IPO5: variants seen among roughly 807,000 people sequenced by gnomAD.
The protein encoded by IPO5 is importin 5.
A neutral mutation model predicts 143.3 loss-of-function variants in IPO5; 18 were observed. The observed-to-expected ratio is 0.13, with a 90% confidence interval of 0.09 to 0.19. The LOEUF is 0.19. IPO5 is among the 10% of genes least tolerant of loss of function. The pLI, the probability that IPO5 is intolerant of heterozygous loss-of-function variation, is 1.00. For missense variants in IPO5, 1,013 were observed against 1,336.9 expected (o/e 0.76, Z 3.78); for synonymous variants, 477 against 465.7 (o/e 1.02, Z -0.31).
Position 98,006,363 on chromosome 13 carries a change from T to A in IPO5, c.1716+15T>A, listed in dbSNP as rs1889248804. 1 of 301,164 alleles carries A rather than the reference T, an allele frequency of 3.3e-6. No homozygotes were observed. The highest frequency in any genetic ancestry group is 1.1e-4 in the Admixed American group (1 of 8,934). 18.7% of individuals were successfully genotyped at this position (301,164 alleles called of 1,614,324 possible). A position where few individuals can be genotyped will look rare whatever the true frequency, so the allele number is the denominator to read the frequency against. On this transcript the variant is annotated intron_variant, in intron 17 of 28. Coordinates refer to ENST00000651721, the MANE Select transcript of IPO5 (RefSeq NM_002271.6). ...GGAAGGAAAAAGTAAGTAATTTTTT[T>A]TTTTTTTTTTTTTTTTTTTTTTTTT...
chr13:98,000,486 A>G lies in IPO5; in HGVS notation c.1002-53A>G, dbSNP rs1388889403. 4.8e-5 allele frequency: 53 copies of G among 1,112,666 alleles called. 1 individual carries two copies. Among genetic ancestry groups the G allele is most frequent in the South Asian group, 3.5e-4 (28 of 80,810 alleles). 68.9% of individuals were successfully genotyped at this position (1,112,666 alleles called of 1,614,324 possible). ...TAGAAGTATGTCTGTAGAGTATACT[A>G]TTTCTTTTGTGTTTCAGATATATTG... On this transcript the variant is annotated intron_variant, in intron 12 of 28. Coordinates refer to ENST00000651721, the MANE Select transcript of IPO5 (RefSeq NM_002271.6).
intron 20 of IPO5, among the ~76,000 whole-genome samples, chr13:98,010,708 C>T (rs1380351211): frequency 6.7e-6 from 1 of 149,974 alleles, no homozygotes; most frequent in Non-Finnish European, 1.5e-5. Flanking sequence ...TTGTGGTGTG[C>T]ATATGCATGT....
intron 6 of IPO5, among the ~76,000 whole-genome samples, chr13:97,987,706 T>C (rs922320348): frequency 2.6e-5 from 4 of 152,274 alleles, no homozygotes; most frequent in Admixed American, 6.5e-5. Context: ...TTTCACCCTG[T>C]TTGCCAGCCT....
In IPO5 at chr13:97,990,214, C is replaced by A; in HGVS notation, c.556C>A (p.His186Asn). 6.3e-7 allele frequency: 1 copy of A among 1,596,044 alleles called. No individual in the cohort carries two copies. Among genetic ancestry groups the A allele is most frequent in the Non-Finnish European group, 8.6e-7 (1 of 1,164,222 alleles). ...MLVQCMQDQEHPSIRTLSARA... is the reference protein window; with the variant it reads ...MLVQCMQDQENPSIRTLSARA... Reference sequence around the variant, plus strand: ...AGTTCAGTGTATGCAAGATCAGGAACACCCGTCGGTAAATAATTTCAATCC... The same window carrying A: ...AGTTCAGTGTATGCAAGATCAGGAAAACCCGTCGGTAAATAATTTCAATCC... Residue 186 changes from histidine to asparagine, a missense_variant, in exon 8 of 29, where the codon CAC (histidine) becomes AAC (asparagine). Physicochemically the swap from His to Asn is moderately conservative, Grantham distance 68 (BLOSUM62 1). Around this residue, in one of 2 missense-constraint regions of IPO5, gnomAD observed 328 missense variants for 342.0 expected, o/e 0.96. Coordinates refer to ENST00000651721, the MANE Select transcript of IPO5 (RefSeq NM_002271.6).
At chr13:98,006,617 G>T (rs900720562) in intron 17 of IPO5, among the ~76,000 whole-genome samples, 1 of 151,422 alleles carries the variant, frequency 6.6e-6, no homozygotes, top group South Asian at 2.1e-4. Flanking sequence ...CTCGTGATCC[G>T]CCCGCCTCGG....
chr13:98,016,832 C>A lies in IPO5; in HGVS notation c.2597C>A (p.Pro866Gln). The A allele has an allele frequency of 6.4e-7, 1 of 1,565,548 alleles. No individual in the cohort carries two copies. The highest frequency in any genetic ancestry group is 2.0e-5 in the Admixed American group (1 of 49,058). The change falls in exon 25 of 29, where the codon CCA becomes CAA. Residue 866 changes from proline (P) to glutamine (Q), a missense_variant. Around this residue, in one of 2 missense-constraint regions of IPO5, gnomAD observed 685 missense variants for 994.9 expected, o/e 0.69. Transcript: ENST00000651721. ...TTACCATGGTTTGAACAGCTGCTTC[C>A]ATTAATTGTCAACCTCATTGTAAGT... ...KVLPWFEQLLPLIVNLICPHR... is the reference protein window; with the variant it reads ...KVLPWFEQLLQLIVNLICPHR...
At chr13:97,975,874 C>A in intron 3 of IPO5, 2 of 981,700 alleles carry the variant, frequency 2.0e-6, no homozygotes, top group Non-Finnish European at 2.4e-6. Flanking sequence ...GGCTGAGTAA[C>A]CCCTCTTCCG....
At chr13:97,996,194 C>T (rs986829335) in intron 11 of IPO5, among the ~76,000 whole-genome samples, 1 of 152,034 alleles carries the variant, frequency 6.6e-6, no homozygotes, top group Non-Finnish European at 1.5e-5. Flanking sequence ...GGACTACAGG[C>T]ACGCACTACC....
At chr13:98,003,512 T>G (rs1229608103) in intron 16 of IPO5, among the ~76,000 whole-genome samples, 1 of 152,098 alleles carries the variant, frequency 6.6e-6, no homozygotes, top group Non-Finnish European at 1.5e-5. Flanking sequence ...TAAAAGACAT[T>G]TCATGGGAAG....
chr13:97,989,113 C>T lies in IPO5; in HGVS notation c.416C>T (p.Ser139Leu), dbSNP rs140987368. ...WPEGLKFLFDSVSSQNVGLRE... is the reference protein window; with the variant it reads ...WPEGLKFLFDLVSSQNVGLRE... Reference sequence around the variant, plus strand: ...GAAGGTTTGAAGTTCCTTTTTGATTCAGTCAGCTCTCAAAATGTGGGACTG... The same window carrying T: ...GAAGGTTTGAAGTTCCTTTTTGATTTAGTCAGCTCTCAAAATGTGGGACTG... Residue 139 changes from serine to leucine, a missense_variant, in exon 7 of 29, where the codon TCA (serine) becomes TTA (leucine). Ser to Leu is a moderately radical substitution (Grantham distance 145, BLOSUM62 -2). Transcript: ENST00000651721. 6.2e-7 allele frequency: 1 copy of T among 1,613,554 alleles called. No individual in the cohort carries two copies. Among genetic ancestry groups the T allele is most frequent in the Non-Finnish European group, 8.5e-7 (1 of 1,179,546 alleles).
intron 20 of IPO5, 131 bp from the exon 21 acceptor site, chr13:98,012,114 TC>T (rs1889768435): frequency 4.9e-6 from 3 of 618,530 alleles, no homozygotes; most frequent in Non-Finnish European, 8.8e-6. Flanking sequence ...ATTTGACAGT[TC>T]TACATGCAAC....
At chr13:98,012,122 C>G in intron 20 of IPO5, 124 bp from the exon 21 acceptor site, 1 of 629,642 alleles carries the variant, frequency 1.6e-6, no homozygotes, top group Non-Finnish European at 2.9e-6. Flanking sequence ...GTTCTACATG[C>G]AACTTTAAAT....
In IPO5 at chr13:98,009,094, G is replaced by A. The variant is rs117210339; in HGVS notation, c.1801-787G>A. ...TAGGGAGGGGTGGTAAGGACGAGGCGTGTTGCTCACCTTTGTATCAGCCAG... is the reference window on the plus strand; with the variant it reads ...TAGGGAGGGGTGGTAAGGACGAGGCATGTTGCTCACCTTTGTATCAGCCAG... On this transcript the variant is annotated intron_variant, in intron 18 of 28. Transcript: ENST00000651721. Among the ~76,000 whole-genome samples, 169 of 152,312 alleles carry A rather than the reference G, an allele frequency of 1.1e-3. No homozygotes were observed. The East Asian group carries it at 0.03, about 27-fold the overall frequency.
chr13:98,019,360 C>T (rs765639828), intron 26 of IPO5, among the ~76,000 whole-genome samples: 10 of 152,204 alleles, frequency 6.6e-5, no homozygotes, highest in Non-Finnish European at 1.5e-5. Context: ...ACTAATCTCT[C>T]TGGGTCTCTA....
chr13:97,986,706 ACAT>A (rs896044951), intron 6 of IPO5, among the ~76,000 whole-genome samples: 4 of 152,230 alleles, frequency 2.6e-5, no homozygotes, highest in African/African-American at 9.6e-5. Flanking sequence ...TAAAAGGCAA[ACAT>A]CATAAAAAAA....
At position 98,023,643 on chromosome 13, in the gene IPO5, A is replaced by G. The variant is rs1207594434; in HGVS notation, c.*1821A>G. On this transcript the variant is annotated 3_prime_UTR_variant, in exon 29 of 29. Coordinates refer to ENST00000651721, the MANE Select transcript of IPO5 (RefSeq NM_002271.6). Reference sequence around the variant, plus strand: ...TGGGAGCAAGAACCTCCTACCTTCCAGTTTAAACACTAGTGGTATTGTCAG... The same window carrying G: ...TGGGAGCAAGAACCTCCTACCTTCCGGTTTAAACACTAGTGGTATTGTCAG... 1 of 152,164 alleles carries G rather than the reference A, an allele frequency of 6.6e-6. No homozygotes were observed. Among genetic ancestry groups the G allele is most frequent in the Non-Finnish European group, 1.5e-5 (1 of 68,038 alleles). The allele number at this position is 152,164 out of a possible 1,614,324, so 9.4% of individuals were successfully genotyped here.
chr13:97,960,017 T>A (rs1384108380), intron 2 of IPO5, among the ~76,000 whole-genome samples: 1 of 152,146 alleles, frequency 6.6e-6, no homozygotes, highest in African/African-American at 2.4e-5. Context: ...CAAATACTAC[T>A]GCAGTTAAAT....
intron 3 of IPO5, 42 bp from the exon 4 acceptor site, chr13:97,976,651 C>G: frequency 1.9e-6 from 2 of 1,030,356 alleles, no homozygotes; most frequent in Non-Finnish European, 2.6e-6. Context: ...GAGCGCGCCT[C>G]ACGGCTCCTG....
At position 98,022,695 on chromosome 13, in the gene IPO5, T is replaced by C. The variant is rs181757962; in HGVS notation, c.*873T>C. 6.6e-6 allele frequency: 1 copy of C among 152,350 alleles called. No individual in the cohort carries two copies. Among genetic ancestry groups the C allele is most frequent in the Admixed American group, 6.5e-5 (1 of 15,304 alleles). The allele number at this position is 152,350 out of a possible 1,614,324, so 9.4% of individuals were successfully genotyped here. A position where few individuals can be genotyped will look rare whatever the true frequency, so the allele number is the denominator to read the frequency against. The stretch of plus-strand genomic sequence containing the variant: ...GTTATGATACCTATTCCATTCACAA[T>C]TGGTGTTCTTTTTAAGGTTTGCAAA... On this transcript the variant is annotated 3_prime_UTR_variant, in exon 29 of 29. Transcript: ENST00000651721.
Sources: gnomAD v4.1 joint callset for allele counts (sites outside exome capture counted in the v4.1 genomes callset) on GRCh38, gnomAD v4.1.1 for gene constraint, gnomAD v4.1.1 regional missense constraint, MANE v1.5 for transcripts, NCBI Gene and HGNC (gene_info 2026-07-23, HGNC 2026-07-21) for gene names.